Variants in CNTN5 observed in about 807,000 individuals in gnomAD.
CNTN5 encodes the protein contactin 5.
In CNTN5, 77 loss-of-function variants were observed where a neutral mutation model predicts 129.1. The observed-to-expected ratio is 0.60, with a 90% CI of 0.50 to 0.72. The LOEUF (loss-of-function observed/expected upper bound fraction) is 0.72, where lower values mean the gene tolerates loss of function less well. Ranked by LOEUF, CNTN5 falls within the 30% of genes least tolerant of loss-of-function variation. The pLI, the probability that CNTN5 is intolerant of heterozygous loss-of-function variation, is 0.00. For missense variants in CNTN5, 1,478 were observed against 1,328.8 expected, an observed-to-expected ratio of 1.11 and a Z score of -1.75; for synonymous variants, 509 against 465.6, an observed-to-expected ratio of 1.09 and a Z score of -1.20.
At chr11:99,317,861 TA>T (rs1200987246) in intron 1 of CNTN5, among the ~76,000 whole-genome samples, 3 of 152,170 alleles carry the variant, frequency 2.0e-5, no homozygotes, top group African/African-American at 7.2e-5. Context: ...GTTCAATTGC[TA>T]ATGCTTTATA....
At chr11:100,175,758 TCA>T (rs1947945701) in intron 13 of CNTN5, among the ~76,000 whole-genome samples, 1 of 152,086 alleles carries the variant, frequency 6.6e-6, no homozygotes, top group South Asian at 2.1e-4. Flanking sequence ...AATACTCAAC[TCA>T]CACAGTGGTT....
At chr11:99,919,456 A>G (rs1336437874) in intron 7 of CNTN5, among the ~76,000 whole-genome samples, 1 of 152,140 alleles carries the variant, frequency 6.6e-6, no homozygotes, top group Non-Finnish European at 1.5e-5. Context: ...CTACTACATG[A>G]TTTTTGGTTT....
At chr11:99,636,082 A>G (rs1373423777) in intron 3 of CNTN5, among the ~76,000 whole-genome samples, 16 of 133,032 alleles carry the variant, frequency 1.2e-4, no homozygotes, top group Non-Finnish European at 2.6e-4. Flanking sequence ...TATAACTAGG[A>G]AAGCATTTTT....
chr11:99,358,151 C>T (rs941416162), intron 2 of CNTN5, among the ~76,000 whole-genome samples: 2 of 139,174 alleles, frequency 1.4e-5, no homozygotes, highest in African/African-American at 2.6e-5. Context: ...TGCAGTGGCG[C>T]GATCTCGGCT....
In CNTN5 at chr11:100,163,145, A is replaced by T. The variant is rs552552084; in HGVS notation, c.1581-27981A>T. 4.4e-3 allele frequency among the ~76,000 whole-genome samples: 668 copies of T among 151,896 alleles called. 3 individuals carry two copies. The highest frequency in any genetic ancestry group is 0.015 in the African/African-American group (629 of 41,472). ...CATTTCGACAAATTAAAAACAAAAA[A>T]ATTGATATTTAGCTTATTTAGACAT... On this transcript the variant is annotated intron_variant, in intron 13 of 24. Coordinates refer to ENST00000524871, the MANE Select transcript of CNTN5 (RefSeq NM_014361.4).
At chr11:100,349,444 G>A (rs1168404317) in intron 23 of CNTN5, among the ~76,000 whole-genome samples, 1 of 151,720 alleles carries the variant, frequency 6.6e-6, no homozygotes, top group Admixed American at 6.6e-5. Context: ...TCATACACCA[G>A]GTCCTGTGCT....
chr11:99,072,940 A>T (rs1865397494), intron 1 of CNTN5, among the ~76,000 whole-genome samples: 1 of 152,074 alleles, frequency 6.6e-6, no homozygotes, highest in Admixed American at 6.6e-5. Flanking sequence ...ACTCTATATT[A>T]GTTTTGCCTG....
At position 99,695,518 on chromosome 11, in the gene CNTN5, G is replaced by A. The variant is rs1954230197; in HGVS notation, c.56-124026G>A. 5.3e-5 allele frequency among the ~76,000 whole-genome samples: 8 copies of A among 152,058 alleles called. No homozygotes were observed. In the South Asian group the frequency reaches 1.7e-3, roughly 32 times the overall value. On this transcript the variant is annotated intron_variant, in intron 3 of 24. Transcript: ENST00000524871. ...AGAAGCTGACTTTTATACAATTTTA[G>A]GAATGAGTATAAAATATTTTATATA...
chr11:100,088,779 T>G (rs117092281), intron 13 of CNTN5, among the ~76,000 whole-genome samples: 1 of 152,150 alleles, frequency 6.6e-6, no homozygotes, highest in South Asian at 2.1e-4. Context: ...AGGACCAGAT[T>G]AGTTCACTGA....
intron 8 of CNTN5, among the ~76,000 whole-genome samples, chr11:99,977,213 C>T (rs1938035663): frequency 6.6e-6 from 1 of 152,268 alleles, no homozygotes; most frequent in African/African-American, 2.4e-5. Context: ...ATCTGAGAAA[C>T]CTCAGCTTTG....
At chr11:100,095,091 A>T (rs1944958990) in intron 13 of CNTN5, among the ~76,000 whole-genome samples, 1 of 152,294 alleles carries the variant, frequency 6.6e-6, no homozygotes, top group South Asian at 2.1e-4. Context: ...CACTTTGCTT[A>T]TTAGATGATG....
intron 3 of CNTN5, among the ~76,000 whole-genome samples, chr11:99,623,878 CAT>C (rs1951040175): frequency 6.6e-6 from 1 of 151,956 alleles, no homozygotes; most frequent in African/African-American, 2.4e-5. Context: ...TTGTTTCTGA[CAT>C]ACATCATTTA....
At chr11:100,131,272 T>C (rs1946370269) in intron 13 of CNTN5, among the ~76,000 whole-genome samples, 1 of 151,976 alleles carries the variant, frequency 6.6e-6, no homozygotes, top group Non-Finnish European at 1.5e-5. Context: ...GAGCTAGTGA[T>C]GAAGAGCAAA....
At chr11:99,894,736 G>A (rs1014942602) in intron 6 of CNTN5, among the ~76,000 whole-genome samples, 1 of 152,052 alleles carries the variant, frequency 6.6e-6, no homozygotes, top group South Asian at 2.1e-4. Context: ...TGATTATGCA[G>A]AAAAACAAGT....
chr11:99,842,433 C>T (rs990673248), intron 4 of CNTN5, among the ~76,000 whole-genome samples: 45 of 152,278 alleles, frequency 3.0e-4, no homozygotes, highest in Admixed American at 9.8e-4. Flanking sequence ...AACTGATATT[C>T]CTACTAATAC....
rs528246466 is a variant in CNTN5, at chr11:99,986,965, G to C, written c.878-15069G>C. ...TTGCGGAGAAATGGAGAGAACATCAGCTTATTCATTCACAAAATGTGTTTT... is the reference window on the plus strand; with the variant it reads ...TTGCGGAGAAATGGAGAGAACATCACCTTATTCATTCACAAAATGTGTTTT... On this transcript the variant is annotated intron_variant, in intron 8 of 24. Transcript: ENST00000524871. Among the ~76,000 whole-genome samples the C allele has an allele frequency of 2.0e-5, 3 of 152,148 alleles. No individual in the cohort carries two copies. In the South Asian group the frequency reaches 6.2e-4, roughly 32 times the overall value.
intron 15 of CNTN5, among the ~76,000 whole-genome samples, chr11:100,201,462 T>C (rs541813857): frequency 6.6e-6 from 1 of 152,098 alleles, no homozygotes; most frequent in Non-Finnish European, 1.5e-5. Context: ...TTGTATCAAA[T>C]GTTCAAGTTA....
At chr11:99,891,665 C>CT (rs1404218763) in intron 6 of CNTN5, among the ~76,000 whole-genome samples, 1 of 152,070 alleles carries the variant, frequency 6.6e-6, no homozygotes, top group Non-Finnish European at 1.5e-5. Context: ...TGAACTCATC[C>CT]TTTTTTATGG....
intron 1 of CNTN5, among the ~76,000 whole-genome samples, chr11:99,299,572 A>G (rs1424124698): frequency 6.6e-6 from 1 of 152,154 alleles, no homozygotes; most frequent in African/African-American, 2.4e-5. Context: ...AATGGTCTCC[A>G]ATGTCACTTA....
Sources: allele counts gnomAD v4.1 joint callset (sites outside exome capture counted in the v4.1 genomes callset), GRCh38; gene constraint gnomAD v4.1.1; transcripts MANE v1.5; gene names NCBI Gene and HGNC (gene_info 2026-07-23, HGNC 2026-07-21).